Variants in AIG1 observed in about 807,000 individuals in gnomAD.
The protein encoded by AIG1 is androgen induced 1.
In AIG1, 23 loss-of-function variants were observed where a neutral mutation model predicts 31.4. The observed-to-expected ratio is 0.73, with a 90% CI of 0.53 to 1.04. The LOEUF (loss-of-function observed/expected upper bound fraction) is 1.04. Among genes scored for constraint, AIG1 ranks in the 50% least tolerant of loss-of-function variants. AIG1 has a pLI of 0.00. For missense variants in AIG1, 274 were observed against 295.0 expected (o/e 0.93, Z 0.52); for synonymous variants, 100 against 110.5 (o/e 0.90, Z 0.60).
chr6:143,278,669 A>G lies in AIG1; in HGVS notation c.400-5441A>G, dbSNP rs139557572. Reference sequence around the variant, plus strand: ...TTTTCAGTAGAGACGGGGTTTCGCCAAGTTGACCAGGCTGGTCTCGAACTC... The same window carrying G: ...TTTTCAGTAGAGACGGGGTTTCGCCGAGTTGACCAGGCTGGTCTCGAACTC... On this transcript the variant is annotated intron_variant, in intron 3 of 5. Coordinates refer to ENST00000357847, the MANE Select transcript of AIG1 (RefSeq NM_016108.4). Among the ~76,000 whole-genome samples, 280 of 151,820 alleles carry G rather than the reference A, an allele frequency of 1.8e-3. 1 individual carries two copies. Among genetic ancestry groups the G allele is most frequent in the African/African-American group, 6.5e-3 (268 of 41,442 alleles).
At chr6:143,320,872 A>T (rs1386119897) in intron 4 of AIG1, among the ~76,000 whole-genome samples, 1 of 143,312 alleles carries the variant, frequency 7.0e-6, no homozygotes, top group Admixed American at 7.2e-5. Flanking sequence ...CCCAGGCTGG[A>T]GTGCAATGGC....
chr6:143,263,041 G>C (rs780957944), intron 3 of AIG1, among the ~76,000 whole-genome samples: 5 of 152,134 alleles, frequency 3.3e-5, no homozygotes, highest in Non-Finnish European at 7.3e-5. Flanking sequence ...TGTCCCAGAG[G>C]ACTGACTTGA....
rs187703483 is a variant in AIG1 at position 143,155,861 on chromosome 6, G to A, written c.298-9221G>A. Among the ~76,000 whole-genome samples the A allele has an allele frequency of 5.3e-5, 8 of 152,260 alleles. No individual in the cohort carries two copies. In the East Asian group the frequency reaches 1.4e-3, roughly 26 times the overall value. On this transcript the variant is annotated intron_variant, in intron 2 of 5. Transcript: ENST00000357847. ...GGAAGTTTGATTTTTTGTCCTGCAG[G>A]CATGGAGGAGCCATTGGGACTTCTG...
chr6:143,214,879 A>G (rs761814767), intron 3 of AIG1, among the ~76,000 whole-genome samples: 4 of 152,120 alleles, frequency 2.6e-5, no homozygotes, highest in Non-Finnish European at 4.4e-5. Context: ...CTACAAACTC[A>G]TCCCAACTGG....
intron 3 of AIG1, among the ~76,000 whole-genome samples, chr6:143,197,058 G>A (rs1293702274): frequency 6.6e-6 from 1 of 152,092 alleles, no homozygotes; most frequent in African/African-American, 2.4e-5. Context: ...TGTGGTTTCC[G>A]GGTCACTTGC....
chr6:143,136,895 C>G lies in AIG1; in HGVS notation c.202C>G (p.Arg68Gly), dbSNP rs751011953. ...GACTGATCTTTCCAGTCTTCTGACT[C>G]GAGGAAGTGGGAACCAGGAGCAAGA... ...VLTDLSSLLT[R>G]GSGNQEQERQ... Residue 68 changes from arginine (R) to glycine (G), a missense_variant, in exon 2 of 6, where the codon CGA becomes GGA. Arg to Gly is a moderately radical substitution (Grantham distance 125, BLOSUM62 -2). Transcript: ENST00000357847. 2.0e-6 allele frequency: 3 copies of G among 1,533,164 alleles called. No homozygotes were observed. The highest frequency in any genetic ancestry group is 2.5e-5 in the South Asian group (2 of 79,980). 95.0% of individuals were successfully genotyped at this position (1,533,164 alleles called of 1,614,324 possible).
chr6:143,101,774 G>C (rs531020246), intron 1 of AIG1, among the ~76,000 whole-genome samples: 15 of 152,016 alleles, frequency 9.9e-5, no homozygotes, highest in Non-Finnish European at 2.1e-4. Flanking sequence ...TTCATGTAAC[G>C]AAATGCCACC....
chr6:143,139,925 C>T (rs938543427), intron 2 of AIG1, among the ~76,000 whole-genome samples: 6 of 152,132 alleles, frequency 3.9e-5, no homozygotes, highest in African/African-American at 1.4e-4. Context: ...CATATTTATA[C>T]AATATATGAA....
chr6:143,188,470 A>C lies in AIG1; in HGVS notation c.399+23287A>C, dbSNP rs531074880. On this transcript the variant is annotated intron_variant, in intron 3 of 5. Transcript: ENST00000357847. ...ATTTGGAAGTCAGGGTTAGAGTGGC[A>C]CTGGAAGGTCTCCTTCAGCTTCCCT... 53 of 985,372 alleles carry C rather than the reference A, an allele frequency of 5.4e-5. No homozygotes were observed. The South Asian group carries it at 2.1e-3, about 38-fold the overall frequency. 61.0% of individuals were successfully genotyped at this position (985,372 alleles called of 1,614,324 possible).
intron 3 of AIG1, among the ~76,000 whole-genome samples, chr6:143,205,825 G>A (rs1422242203): frequency 6.6e-6 from 1 of 152,200 alleles, no homozygotes; most frequent in African/African-American, 2.4e-5. Flanking sequence ...CCAAACAAAA[G>A]CTTTTAATAA....
At chr6:143,282,216 T>G (rs546415029) in intron 3 of AIG1, among the ~76,000 whole-genome samples, 65 of 152,316 alleles carry the variant, frequency 4.3e-4, no homozygotes, top group African/African-American at 1.5e-3. Flanking sequence ...CTTAAGAAAT[T>G]TATTAATATC....
chr6:143,079,270 G>A (rs1777999500), intron 1 of AIG1, among the ~76,000 whole-genome samples: 11 of 152,022 alleles, frequency 7.2e-5, no homozygotes, highest in Admixed American at 7.2e-4. Context: ...TTATGATAGA[G>A]GACTTTTCCT....
chr6:143,188,531 G>A lies in AIG1; in HGVS notation c.399+23348G>A, dbSNP rs915401407. 7 of 985,280 alleles carry A rather than the reference G, an allele frequency of 7.1e-6. No homozygotes were observed. In the South Asian group the frequency reaches 3.3e-4, roughly 46 times the overall value. The allele number at this position is 985,280 out of a possible 1,614,324, so 61.0% of individuals were successfully genotyped here. ...TGCCTACTATAACCCTGGCAAGGCTGAGACAGTCCAAGTTTGGGGCAGTCA... is the reference window on the plus strand; with the variant it reads ...TGCCTACTATAACCCTGGCAAGGCTAAGACAGTCCAAGTTTGGGGCAGTCA... On this transcript the variant is annotated intron_variant, in intron 3 of 5. Transcript: ENST00000357847.
intron 1 of AIG1, among the ~76,000 whole-genome samples, chr6:143,084,392 T>C (rs1375169488): frequency 2.0e-5 from 3 of 152,208 alleles, no homozygotes; most frequent in Admixed American, 6.5e-5. Flanking sequence ...CAAGCCCTAT[T>C]AGGCATTTGA....
intron 4 of AIG1, among the ~76,000 whole-genome samples, chr6:143,322,855 G>C (rs1776328686): frequency 6.6e-6 from 1 of 152,188 alleles, no homozygotes; most frequent in Admixed American, 6.5e-5. Flanking sequence ...GGAGGGACTT[G>C]TAACCTTGAA....
At chr6:143,110,801 G>A (rs1173801667) in intron 1 of AIG1, among the ~76,000 whole-genome samples, 1 of 152,174 alleles carries the variant, frequency 6.6e-6, no homozygotes, top group Non-Finnish European at 1.5e-5. Flanking sequence ...GAATGACAGA[G>A]TATATCGAGA....
At chr6:143,078,972 T>C (rs2128466927) in intron 1 of AIG1, among the ~76,000 whole-genome samples, 1 of 152,370 alleles carries the variant, frequency 6.6e-6, no homozygotes, top group Middle Eastern at 3.4e-3. Context: ...TCTCAAGATG[T>C]CCCTTTTTAT....
At chr6:143,116,062 A>C (rs1479556057) in intron 1 of AIG1, among the ~76,000 whole-genome samples, 1 of 152,246 alleles carries the variant, frequency 6.6e-6, no homozygotes, top group Non-Finnish European at 1.5e-5. Context: ...AGGGCTCATA[A>C]TCTAGACAGG....
Position 143,333,491 on chromosome 6 carries a change from C to A in AIG1, c.679+46C>A. The A allele has an allele frequency of 6.3e-7, 1 of 1,592,906 alleles. No homozygotes were observed. Among genetic ancestry groups the A allele is most frequent in the Non-Finnish European group, 8.6e-7 (1 of 1,166,130 alleles). On this transcript the variant is annotated intron_variant, in intron 5 of 5. Coordinates refer to ENST00000357847, the MANE Select transcript of AIG1 (RefSeq NM_016108.4). The surrounding 1 kb of genome is among the most constrained non-coding windows in gnomAD (Gnocchi z 4.6). ...CATAAAACAAGAGAATTACTGCCGG[C>A]AACAGTCTATGCAGAGACTGAGGGA...
Sources: gnomAD v4.1 joint callset for allele counts (sites outside exome capture counted in the v4.1 genomes callset) on GRCh38, gnomAD v4.1.1 for gene constraint, Gnocchi (gnomAD v3.1) non-coding constraint, MANE v1.5 for transcripts, NCBI Gene and HGNC (gene_info 2026-07-23, HGNC 2026-07-21) for gene names.